The following MYO9A variants were observed in gnomAD, a reference collection of about 807,000 sequenced individuals.
MYO9A encodes myosin IXA.
In MYO9A, 103 loss-of-function variants were observed where a neutral mutation model predicts 293.3. That is an observed-to-expected ratio of 0.35 (90% CI 0.30 to 0.41). The LOEUF (loss-of-function observed/expected upper bound fraction) is 0.41, where lower values mean the gene tolerates loss of function less well. MYO9A is among the 10% of genes least tolerant of loss of function. The pLI is 1.00. For synonymous variants in MYO9A, 1,001 were observed against 1,035.7 expected, an observed-to-expected ratio of 0.97 and a Z score of 0.64; for missense variants, 2,685 against 3,033.0, an observed-to-expected ratio of 0.89 and a Z score of 2.69.
chr15:72,051,053 TTTTGTTTTTGTA>T (rs1475927793), intron 1 of MYO9A, among the ~76,000 whole-genome samples: 20 of 152,176 alleles, frequency 1.3e-4, no homozygotes, highest in Non-Finnish European at 2.2e-4. Flanking sequence ...TGTTGTTTTG[TTTTGTTTTTGTA>T]TTTGTTTTTG....
intron 15 of MYO9A, among the ~76,000 whole-genome samples, chr15:71,948,951 T>TG (rs1226426018): frequency 0.029 from 1,475 of 51,588 alleles, 33 homozygotes; most frequent in African/African-American, 0.052. Flanking sequence ...ATTTTTTTTG[T>TG]GAGGGGGGGG....
intron 1 of MYO9A, among the ~76,000 whole-genome samples, chr15:72,077,754 T>A (rs2957376): frequency 0.049 from 1,015 of 20,722 alleles, 19 homozygotes; most frequent in African/African-American, 0.14. Context: ...AAAAAAAAAA[T>A]ATATATATAT....
chr15:71,907,278 A>C (rs1467519792), intron 19 of MYO9A, among the ~76,000 whole-genome samples: 3 of 150,052 alleles, frequency 2.0e-5, no homozygotes, highest in Non-Finnish European at 4.4e-5. Flanking sequence ...TGAACTCATC[A>C]TTTTTTATGG....
chr15:72,106,193 C>T (rs1017920345), intron 1 of MYO9A, among the ~76,000 whole-genome samples: 4 of 152,018 alleles, frequency 2.6e-5, no homozygotes, highest in African/African-American at 9.7e-5. Context: ...AAATGAGATT[C>T]CTGGCCAGGC....
At chr15:72,055,661 G>A (rs2078697371) in intron 1 of MYO9A, among the ~76,000 whole-genome samples, 1 of 151,950 alleles carries the variant, frequency 6.6e-6, no homozygotes, top group Non-Finnish European at 1.5e-5. Flanking sequence ...CTAAGGACAT[G>A]AATAGACATC....
intron 1 of MYO9A, among the ~76,000 whole-genome samples, chr15:72,057,041 A>G (rs1367312626): frequency 1.3e-5 from 2 of 152,050 alleles, no homozygotes; most frequent in African/African-American, 2.4e-5. Flanking sequence ...TGGGAGGCGG[A>G]GGTTGCAGTG....
intron 1 of MYO9A, among the ~76,000 whole-genome samples, chr15:72,049,580 C>T (rs1220411518): frequency 6.6e-6 from 1 of 152,196 alleles, no homozygotes; most frequent in African/African-American, 2.4e-5. Context: ...CTGGGCCGCA[C>T]AGCAGAAGAT....
chr15:71,850,956 A>ATAGAT (rs1183047062), intron 37 of MYO9A, among the ~76,000 whole-genome samples: 1 of 152,004 alleles, frequency 6.6e-6, no homozygotes, highest in African/African-American at 2.4e-5. Flanking sequence ...GGTCATTTCA[A>ATAGAT]TAGATTATAT....
At chr15:72,101,784 T>C in intron 1 of MYO9A, among the ~76,000 whole-genome samples, 1 of 137,554 alleles carries the variant, frequency 7.3e-6, no homozygotes, top group African/African-American at 2.7e-5. Flanking sequence ...GGAGCCCCTC[T>C]GCCAGGCCAG....
chr15:72,055,142 TG>T (rs1290376242), intron 1 of MYO9A, among the ~76,000 whole-genome samples: 5 of 152,218 alleles, frequency 3.3e-5, no homozygotes, highest in African/African-American at 1.2e-4. Context: ...ATTATCAGGC[TG>T]GGCACAGTGG....
chr15:71,924,659 G>A (rs1048372001), intron 18 of MYO9A, among the ~76,000 whole-genome samples: 1 of 151,976 alleles, frequency 6.6e-6, no homozygotes, highest in Admixed American at 6.5e-5. Context: ...GGTGGCTCAC[G>A]CCTGTAATCC....
chr15:71,921,406 T>A (rs58231877), intron 18 of MYO9A, among the ~76,000 whole-genome samples: 1 of 152,182 alleles, frequency 6.6e-6, no homozygotes, highest in South Asian at 2.1e-4. Context: ...CTCCCTGTAA[T>A]AACAAGGATC....
intron 19 of MYO9A, among the ~76,000 whole-genome samples, chr15:71,912,816 A>C (rs1334837652): frequency 6.6e-6 from 1 of 152,118 alleles, no homozygotes; most frequent in Non-Finnish European, 1.5e-5. Flanking sequence ...TGGTCTTTTG[A>C]AGCTATCACT....
chr15:71,878,358 G>A (rs2056758937), intron 30 of MYO9A, 127 bp from the exon 31 acceptor site: 3 of 592,346 alleles, frequency 5.1e-6, no homozygotes, highest in Non-Finnish European at 7.9e-6. Flanking sequence ...TTTCTAATGA[G>A]CATGCCCATG....
intron 8 of MYO9A, among the ~76,000 whole-genome samples, chr15:72,002,296 G>A (rs1268062462): frequency 6.7e-6 from 1 of 149,990 alleles, no homozygotes; most frequent in East Asian, 2.0e-4. Context: ...TACCCAGGCT[G>A]GAGTGCAATG....
chr15:72,022,318 G>A (rs1002915922), intron 4 of MYO9A, among the ~76,000 whole-genome samples: 11 of 151,898 alleles, frequency 7.2e-5, no homozygotes, highest in Non-Finnish European at 1.0e-4. Context: ...TCAAGAGATC[G>A]AGATCATCCT....
In MYO9A at chr15:71,905,762, CAAAAAA is replaced by C. The variant is rs3086807; in HGVS notation, c.2686-762_2686-757del. On this transcript the variant is annotated intron_variant, in intron 19 of 41. Coordinates refer to ENST00000356056, the MANE Select transcript of MYO9A (RefSeq NM_006901.4). ...TGCGCAACAAAGTGAGACTCTGTCT[CAAAAAA>C]AAAAAAAAAAAAAAAAAAAATTTGG... Among the ~76,000 whole-genome samples the C allele has an allele frequency of 1.1e-4, 8 of 71,910 alleles. 1 individual carries two copies. The East Asian group carries it at 2.0e-3, about 18-fold the overall frequency. 47.2% of individuals were successfully genotyped at this position (71,910 alleles called of 152,430 possible).
intron 13 of MYO9A, chr15:71,960,470 T>A (rs111804076): frequency 9.7e-4 from 202 of 208,932 alleles, no homozygotes; most frequent in Non-Finnish European, 1.4e-3. Flanking sequence ...CAGGTAGATA[T>A]CAGTGCTCTG....
intron 1 of MYO9A, among the ~76,000 whole-genome samples, chr15:72,101,281 G>C: frequency 7.4e-6 from 1 of 135,244 alleles, no homozygotes; most frequent in Admixed American, 7.2e-5. Flanking sequence ...CGCCCCGTCA[G>C]GGAGGGAGGT....
Sources: gnomAD v4.1 joint callset for allele counts (sites outside exome capture counted in the v4.1 genomes callset) on GRCh38, gnomAD v4.1.1 for gene constraint, MANE v1.5 for transcripts, NCBI Gene and HGNC (gene_info 2026-07-23, HGNC 2026-07-21) for gene names.